Variants in PTPRM observed in about 807,000 individuals in gnomAD.
The protein encoded by PTPRM is protein tyrosine phosphatase receptor type M.
Under a neutral mutation model 186.7 loss-of-function variants are expected in PTPRM, and 47 were observed. The ratio of observed to expected loss-of-function variants is 0.25; its 90% CI spans 0.20 to 0.32. PTPRM has a LOEUF of 0.32. Among genes scored for constraint, PTPRM ranks in the 10% least tolerant of loss-of-function variants. The probability of loss-of-function intolerance (pLI) is 1.00; values close to 1 mark genes in which losing one functional copy is unlikely to be tolerated. For synonymous variants in PTPRM, 668 were observed against 674.9 expected (o/e 0.99, Z 0.16); for missense variants, 1,494 against 1,865.0 (o/e 0.80, Z 3.66).
At chr18:7,752,516 C>T (rs1365981461) in intron 1 of PTPRM, among the ~76,000 whole-genome samples, 2 of 152,026 alleles carry the variant, frequency 1.3e-5, no homozygotes, top group African/African-American at 4.8e-5. Flanking sequence ...CTCTGCTTTC[C>T]GGGTTCAAGT....
At chr18:8,133,602 ATTTGAACCTACACAAATTGAG>A (rs982396249) in intron 13 of PTPRM, among the ~76,000 whole-genome samples, 25 of 152,110 alleles carry the variant, frequency 1.6e-4, no homozygotes, top group Non-Finnish European at 3.1e-4. Context: ...GATGGATAGG[ATTTGAACCTACACAAATTGAG>A]TAGGGAAAGC....
chr18:7,601,027 G>A (rs770504656), intron 1 of PTPRM, among the ~76,000 whole-genome samples: 4 of 152,150 alleles, frequency 2.6e-5, no homozygotes, highest in Non-Finnish European at 4.4e-5. Flanking sequence ...ACCGAGCCCC[G>A]GAGCCCCTCT....
chr18:7,616,767 G>C (rs1379869513), intron 1 of PTPRM, among the ~76,000 whole-genome samples: 5 of 152,134 alleles, frequency 3.3e-5, no homozygotes, highest in Non-Finnish European at 7.3e-5. Context: ...TTGTCCTCTG[G>C]TCCCCATCCT....
intron 7 of PTPRM, among the ~76,000 whole-genome samples, chr18:8,041,216 C>A (rs1465952840): frequency 6.6e-6 from 1 of 152,192 alleles, no homozygotes; most frequent in Non-Finnish European, 1.5e-5. Context: ...AAGATTGATA[C>A]CATGGTTTAT....
intron 7 of PTPRM, among the ~76,000 whole-genome samples, chr18:7,984,602 T>TATATACACAC (rs1214502563): frequency 2.2e-4 from 19 of 87,174 alleles, no homozygotes; most frequent in African/African-American, 7.9e-4. Context: ...TATATATATA[T>TATATACACAC]ACACACACAC....
intron 4 of PTPRM, among the ~76,000 whole-genome samples, chr18:7,922,369 G>A (rs2050916767): frequency 6.6e-6 from 1 of 152,216 alleles, no homozygotes; most frequent in Admixed American, 6.5e-5. Context: ...TCTGTCCTTA[G>A]GGATATTTCT....
intron 14 of PTPRM, among the ~76,000 whole-genome samples, chr18:8,154,270 C>G (rs1476321248): frequency 6.6e-6 from 1 of 152,196 alleles, no homozygotes; most frequent in Non-Finnish European, 1.5e-5. Context: ...TTAGTTGTTA[C>G]TGTCAGTTAG....
In PTPRM at chr18:8,230,237, G is replaced by A. The variant is rs186056036; in HGVS notation, c.2301-13821G>A. On this transcript the variant is annotated intron_variant, in intron 14 of 32. Coordinates refer to ENST00000580170, the MANE Select transcript of PTPRM (RefSeq NM_001105244.2). ...AAAAAACTGTTTTTTTGTGATAAATGTATGTCTGTTAACTAGTGAATGAAG... is the reference window on the plus strand; with the variant it reads ...AAAAAACTGTTTTTTTGTGATAAATATATGTCTGTTAACTAGTGAATGAAG... 2.0e-5 allele frequency among the ~76,000 whole-genome samples: 3 copies of A among 152,322 alleles called. No homozygotes were observed. In the East Asian group the frequency reaches 5.8e-4, roughly 29 times the overall value.
chr18:8,296,542 T>G, intron 20 of PTPRM, 87 bp downstream of exon 20: 1 of 962,086 alleles, frequency 1.0e-6, no homozygotes, highest in Non-Finnish European at 1.7e-6. Context: ...CAGAGGAAAT[T>G]TACAGTGCAA....
At chr18:7,627,582 G>T (rs1008361277) in intron 1 of PTPRM, among the ~76,000 whole-genome samples, 1 of 152,188 alleles carries the variant, frequency 6.6e-6, no homozygotes, top group Non-Finnish European at 1.5e-5. Flanking sequence ...GTAACCTGCG[G>T]TGAGGCTCGG....
chr18:8,165,146 T>C (rs988967236), intron 14 of PTPRM, among the ~76,000 whole-genome samples: 8 of 143,752 alleles, frequency 5.6e-5, no homozygotes, highest in Non-Finnish European at 1.0e-4. Flanking sequence ...TCCTGCGTGG[T>C]GACAGAGCAA....
At position 7,568,176 on chromosome 18, in the gene PTPRM, C is replaced by G. The variant is rs1477569511; in HGVS notation, c.73+285C>G. ...CGTCCTTCCGCGGCCTGGGCTAGTG[C>G]TCAAGGTTGGGCGGCTTGCACTCTT... On this transcript the variant is annotated intron_variant, in intron 1 of 32. Transcript: ENST00000580170. The surrounding 1 kb of genome is among the most constrained non-coding windows in gnomAD (Gnocchi z 5.1). Among the ~76,000 whole-genome samples the G allele has an allele frequency of 6.6e-6, 1 of 151,898 alleles. No individual in the cohort carries two copies.
rs529571013 is a variant in PTPRM at position 7,691,109 on chromosome 18, G to T, written c.74-83040G>T. ...AAGAGAATTATTCAGTAAATGTTTT[G>T]ATTTTATTTTTTTTTATTTTTAAGA... On this transcript the variant is annotated intron_variant, in intron 1 of 32. Coordinates refer to ENST00000580170, the MANE Select transcript of PTPRM (RefSeq NM_001105244.2). 1.3e-4 allele frequency among the ~76,000 whole-genome samples: 20 copies of T among 151,914 alleles called. No homozygotes were observed. The South Asian group carries it at 1.7e-3, about 13-fold the overall frequency.
chr18:7,955,336 A>C lies in PTPRM; in HGVS notation c.1054A>C (p.Ser352Arg). ...HLDPDTEYEI[S>R]VLLTRPGEGG... ...TGACCCAGATACAGAATATGAGATT[A>C]GTGTGCTCCTGACCAGGCCAGGGGA... Residue 352 changes from serine (S) to arginine (R), a missense_variant, in exon 7 of 33, where the codon AGT becomes CGT. By Grantham distance (110) the Ser-to-Arg change is moderately radical. This residue lies in a region of PTPRM where 91 missense variants were observed against 169.3 expected (regional missense o/e 0.54). Coordinates refer to ENST00000580170, the MANE Select transcript of PTPRM (RefSeq NM_001105244.2). The C allele has an allele frequency of 6.2e-7, 1 of 1,614,194 alleles. No homozygotes were observed. Among genetic ancestry groups the C allele is most frequent in the Non-Finnish European group, 8.5e-7 (1 of 1,180,018 alleles).
At chr18:7,587,250 TA>T (rs1711883984) in intron 1 of PTPRM, among the ~76,000 whole-genome samples, 1 of 152,192 alleles carries the variant, frequency 6.6e-6, no homozygotes, top group Non-Finnish European at 1.5e-5. Flanking sequence ...TATCTGTGGG[TA>T]GATATTACTT....
At chr18:8,249,249 A>G (rs1213284550) in intron 17 of PTPRM, among the ~76,000 whole-genome samples, 1 of 152,164 alleles carries the variant, frequency 6.6e-6, no homozygotes, top group Non-Finnish European at 1.5e-5. Flanking sequence ...TTTGTATAGA[A>G]GGTAATTTTT....
chr18:7,806,031 C>T (rs1169527505), intron 2 of PTPRM, among the ~76,000 whole-genome samples: 4 of 152,164 alleles, frequency 2.6e-5, no homozygotes, highest in African/African-American at 9.7e-5. Context: ...GTGGGGTCTA[C>T]AGTTTTAAGC....
At chr18:7,570,299 C>G (rs757124564) in intron 1 of PTPRM, among the ~76,000 whole-genome samples, 4 of 152,158 alleles carry the variant, frequency 2.6e-5, no homozygotes, top group Non-Finnish European at 4.4e-5. Flanking sequence ...CTAGGAGTGG[C>G]ATTGACACAT....
At chr18:7,937,572 G>A (rs34554615) in intron 5 of PTPRM, among the ~76,000 whole-genome samples, 22,495 of 152,260 alleles carry the variant, frequency 0.15, 1,894 homozygotes, top group Non-Finnish European at 0.19. Flanking sequence ...AAGTGGGCCC[G>A]CTGGGCCCGA....
Sources: allele counts gnomAD v4.1 joint callset (sites outside exome capture counted in the v4.1 genomes callset), GRCh38; gene constraint gnomAD v4.1.1; regional missense constraint gnomAD v4.1.1; non-coding constraint Gnocchi (gnomAD v3.1); transcripts MANE v1.5; gene names NCBI Gene and HGNC (gene_info 2026-07-23, HGNC 2026-07-21).